The following MAN1B1 variants were observed in gnomAD, a reference collection of about 807,000 sequenced individuals.
MAN1B1 encodes the protein mannosidase alpha class 1B member 1.
Under a neutral mutation model 75.5 loss-of-function variants are expected in MAN1B1, and 66 were observed. The ratio of observed to expected loss-of-function variants is 0.87; its 90% CI spans 0.72 to 1.07. The LOEUF (loss-of-function observed/expected upper bound fraction) is 1.07. Ranked by LOEUF, MAN1B1 falls within the 50% of genes least tolerant of loss-of-function variation. MAN1B1 has a pLI of 0.00. For synonymous variants in MAN1B1, 453 were observed against 382.8 expected (o/e 1.18, Z -2.14); for missense variants, 973 against 912.5 (o/e 1.07, Z -0.85).
chr9:137,093,338 C>T (rs1830565940), intron 3 of MAN1B1, among the ~76,000 whole-genome samples: 1 of 152,170 alleles, frequency 6.6e-6, no homozygotes, highest in Non-Finnish European at 1.5e-5. Flanking sequence ...GCGGAGTTCG[C>T]ACCACTGCAT....
Position 137,094,920 on chromosome 9 carries a change from G to A in MAN1B1, c.466-1317G>A, listed in dbSNP as rs552077079. Among the ~76,000 whole-genome samples the A allele has an allele frequency of 5.9e-5, 9 of 151,868 alleles. 1 individual carries two copies. In the East Asian group the frequency reaches 1.8e-3, roughly 30 times the overall value. Reference sequence around the variant, plus strand: ...CAAAAAAAACAGGCTGGGCATGGTGGCTCATGCCTGTAATCCCAGCACTTT... The same window carrying A: ...CAAAAAAAACAGGCTGGGCATGGTGACTCATGCCTGTAATCCCAGCACTTT... On this transcript the variant is annotated intron_variant, in intron 3 of 12. Coordinates refer to ENST00000371589, the MANE Select transcript of MAN1B1 (RefSeq NM_016219.5).
At chr9:137,100,439 A>G (rs1052503519) in intron 6 of MAN1B1, among the ~76,000 whole-genome samples, 4 of 152,196 alleles carry the variant, frequency 2.6e-5, no homozygotes, top group Admixed American at 6.5e-5. Flanking sequence ...TGACGACTTC[A>G]AGATTTACCC....
At chr9:137,096,822 C>G (rs1371965163) in intron 4 of MAN1B1, among the ~76,000 whole-genome samples, 1 of 152,200 alleles carries the variant, frequency 6.6e-6, no homozygotes, top group African/African-American at 2.4e-5. Context: ...GTAGTGGATC[C>G]CAGTGGAGCT....
Position 137,096,278 on chromosome 9 carries a change from G to T in MAN1B1, c.507G>T (p.Gln169His). Residue 169 changes from glutamine (Q) to histidine (H), a missense_variant, in exon 4 of 13, where the codon CAG becomes CAT. Coordinates refer to ENST00000371589, the MANE Select transcript of MAN1B1 (RefSeq NM_016219.5). Reference protein sequence around the residue: ...RHIQRGPPHLQIRPPSQDLKD... With the variant: ...RHIQRGPPHLHIRPPSQDLKD... ...TCCAGCGGGGACCACCTCACCTGCA[G>T]ATTAGACCCCCAAGCCAAGACCTGA... The T allele has an allele frequency of 1.2e-6, 2 of 1,614,146 alleles. No homozygotes were observed. Among genetic ancestry groups the T allele is most frequent in the Admixed American group, 1.7e-5 (1 of 60,022 alleles).
chr9:137,089,204 GC>G, intron 3 of MAN1B1, 199 bp downstream of exon 3: 1 of 681,870 alleles, frequency 1.5e-6, no homozygotes, highest in Non-Finnish European at 2.5e-6. Flanking sequence ...ACCAGCCATG[GC>G]CAGTTCCGGT....
At chr9:137,095,002 AC>A (rs748383083) in intron 3 of MAN1B1, among the ~76,000 whole-genome samples, 4 of 151,116 alleles carry the variant, frequency 2.6e-5, no homozygotes, top group Non-Finnish European at 4.4e-5. Context: ...AGCCTGGCAA[AC>A]ATGGTAAAAC....
chr9:137,089,408 G>A (rs938120143), intron 3 of MAN1B1: 23 of 293,370 alleles, frequency 7.8e-5, no homozygotes, highest in African/African-American at 4.6e-4. Flanking sequence ...AGGGGAGGCC[G>A]TGGCACTGAG....
At chr9:137,091,521 A>ATTTTTTTTTTTTTTTTTTTTTTTTT (rs964752016) in intron 3 of MAN1B1, among the ~76,000 whole-genome samples, 1 of 89,922 alleles carries the variant, frequency 1.1e-5, no homozygotes, top group African/African-American at 3.6e-5. Context: ...TTTGTTTTAT[A>ATTTTTTTTTTTTTTTTTTTTTTTTT]TTTTTTTTTT....
At chr9:137,098,686 C>T (rs1168466297) in intron 5 of MAN1B1, among the ~76,000 whole-genome samples, 2 of 152,104 alleles carry the variant, frequency 1.3e-5, no homozygotes, top group Admixed American at 6.6e-5. Flanking sequence ...TGGTTTGGTG[C>T]CGTTACACAC....
chr9:137,090,052 T>C (rs918252921), intron 3 of MAN1B1, among the ~76,000 whole-genome samples: 2 of 151,154 alleles, frequency 1.3e-5, no homozygotes, highest in African/African-American at 2.4e-5. Flanking sequence ...GCTGAGAAGA[T>C]TGGGGTCAGG....
chr9:137,093,011 T>G (rs1035806082), intron 3 of MAN1B1, among the ~76,000 whole-genome samples: 2 of 152,220 alleles, frequency 1.3e-5, no homozygotes, highest in Non-Finnish European at 2.9e-5. Context: ...CAAGTATGCT[T>G]CTTATGACTT....
chr9:137,103,503 A>G (rs77255238), intron 8 of MAN1B1: 22,282 of 116,798 alleles, frequency 0.19, 1 homozygote, highest in East Asian at 0.26. Flanking sequence ...CATTCACGCT[A>G]TTGCAGGCGT....
At chr9:137,100,681 A>G (rs1016968707) in intron 6 of MAN1B1, among the ~76,000 whole-genome samples, 1 of 152,060 alleles carries the variant, frequency 6.6e-6, no homozygotes, top group Non-Finnish European at 1.5e-5. Flanking sequence ...GTGCAGTGGC[A>G]CGATCTCAGT....
chr9:137,087,780 T>C (rs1830413520), intron 1 of MAN1B1, among the ~76,000 whole-genome samples: 1 of 152,204 alleles, frequency 6.6e-6, no homozygotes, highest in South Asian at 2.1e-4. Flanking sequence ...TGCACCACTG[T>C]ATTAACGACA....
At chr9:137,106,415 C>G in intron 9 of MAN1B1, 100 bp downstream of exon 9, 1 of 1,168,734 alleles carries the variant, frequency 8.6e-7, no homozygotes, top group South Asian at 1.4e-5. Context: ...CTCCTGCTGC[C>G]CCCCGCCACA....
At chr9:137,092,059 T>C (rs1200975798) in intron 3 of MAN1B1, among the ~76,000 whole-genome samples, 1 of 152,330 alleles carries the variant, frequency 6.6e-6, no homozygotes, top group South Asian at 2.1e-4. Flanking sequence ...AGTCCAACTC[T>C]TGAAACACTT....
At chr9:137,096,110 G>A (rs1291378184) in intron 3 of MAN1B1, 127 bp from the exon 4 acceptor site, 4 of 1,001,380 alleles carry the variant, frequency 4.0e-6, no homozygotes, top group Non-Finnish European at 6.3e-6. Flanking sequence ...AAAAACGAAA[G>A]TAATTTAGTC....
At chr9:137,102,891 CGTG>C (rs1830913601) in intron 8 of MAN1B1, 3 of 306,242 alleles carry the variant, frequency 9.8e-6, no homozygotes, top group Non-Finnish European at 1.2e-5. Context: ...CTGTTGCAGG[CGTG>C]CAGGTCAGTG....
At chr9:137,094,276 A>G (rs1040825296) in intron 3 of MAN1B1, 18 of 199,724 alleles carry the variant, frequency 9.0e-5, no homozygotes, top group African/African-American at 4.0e-4. Context: ...CGGCCTCCCA[A>G]AGTGCTAGGA....
Sources: allele counts gnomAD v4.1 joint callset (sites outside exome capture counted in the v4.1 genomes callset), GRCh38; gene constraint gnomAD v4.1.1; transcripts MANE v1.5; gene names NCBI Gene and HGNC (gene_info 2026-07-23, HGNC 2026-07-21).